ACOXL: variants seen among roughly 807,000 people sequenced by gnomAD.
ACOXL encodes acyl-coenzyme A oxidase-like protein.
In ACOXL, 70 loss-of-function variants were observed where a neutral mutation model predicts 71.9. The ratio of observed to expected loss-of-function variants is 0.97; its 90% CI spans 0.80 to 1.19. The LOEUF (loss-of-function observed/expected upper bound fraction) is 1.19. Ranked by LOEUF, ACOXL falls within the 50% of genes most tolerant of loss-of-function variation. The pLI is 0.00. For synonymous variants in ACOXL, 253 were observed against 281.6 expected (o/e 0.90, Z 1.02); for missense variants, 703 against 736.3 (o/e 0.95, Z 0.52).
At chr2:110,909,866 C>T (rs1480062087) in intron 11 of ACOXL, among the ~76,000 whole-genome samples, 1 of 151,642 alleles carries the variant, frequency 6.6e-6, no homozygotes, top group Non-Finnish European at 1.5e-5. Flanking sequence ...TGCAAGGACA[C>T]TGAACCCTGC....
At chr2:110,841,795 A>T (rs1466611961) in intron 10 of ACOXL, among the ~76,000 whole-genome samples, 1 of 152,112 alleles carries the variant, frequency 6.6e-6, no homozygotes, top group Non-Finnish European at 1.5e-5. Flanking sequence ...GCCACCTTCC[A>T]TGCCAGGCCT....
At chr2:110,778,087 CTG>C (rs777628887) in intron 2 of ACOXL, among the ~76,000 whole-genome samples, 1 of 152,244 alleles carries the variant, frequency 6.6e-6, no homozygotes, top group Non-Finnish European at 1.5e-5. Context: ...CCAGTTGGCG[CTG>C]TGACTTCTGG....
At position 111,010,603 on chromosome 2, in the gene ACOXL, A is replaced by C. The variant is rs140458227; in HGVS notation, c.1281+14599A>C. On this transcript the variant is annotated intron_variant, in intron 14 of 17. Transcript: ENST00000439055. The stretch of plus-strand genomic sequence containing the variant: ...CACATAAATTCAAGATTCTAGCAGG[A>C]GAGGATGAAAAACAAACAAATATAA... 2.4e-4 allele frequency among the ~76,000 whole-genome samples: 37 copies of C among 152,262 alleles called. No homozygotes were observed. The East Asian group carries it at 6.9e-3, about 29-fold the overall frequency.
chr2:110,809,934 C>G (rs1477104241), intron 9 of ACOXL, among the ~76,000 whole-genome samples: 2 of 152,170 alleles, frequency 1.3e-5, no homozygotes, highest in Non-Finnish European at 2.9e-5. Context: ...TGGGATTGCC[C>G]CTTCACCCAA....
At chr2:111,033,337 C>A (rs919907988) in intron 15 of ACOXL, among the ~76,000 whole-genome samples, 46 of 152,254 alleles carry the variant, frequency 3.0e-4, no homozygotes, top group Admixed American at 2.8e-3. Context: ...TAATTGAACT[C>A]AAAAATGAGT....
intron 9 of ACOXL, among the ~76,000 whole-genome samples, chr2:110,823,012 G>A (rs972868828): frequency 6.6e-6 from 1 of 152,120 alleles, no homozygotes; most frequent in African/African-American, 2.4e-5. Context: ...CAGCACTTTG[G>A]GAGGCCGAAG....
At chr2:110,921,031 T>A (rs2060046929) in intron 11 of ACOXL, among the ~76,000 whole-genome samples, 1 of 152,162 alleles carries the variant, frequency 6.6e-6, no homozygotes, top group Non-Finnish European at 1.5e-5. Context: ...CTTTTCAGAT[T>A]ACCTAATTTT....
At chr2:110,995,790 A>G (rs1228970999) in intron 13 of ACOXL, 103 bp from the exon 14 acceptor site, 5 of 793,232 alleles carry the variant, frequency 6.3e-6, no homozygotes, top group African/African-American at 3.5e-5. Context: ...CTATTTTTCT[A>G]CAGAAAAAAA....
At chr2:110,997,451 T>A (rs967695990) in intron 14 of ACOXL, among the ~76,000 whole-genome samples, 3 of 151,864 alleles carry the variant, frequency 2.0e-5, no homozygotes, top group African/African-American at 7.3e-5. Flanking sequence ...ACAGAAAAAA[T>A]TAGGCTAGCT....
chr2:110,915,362 G>A (rs1287380793), intron 11 of ACOXL, among the ~76,000 whole-genome samples: 5 of 134,092 alleles, frequency 3.7e-5, no homozygotes, highest in African/African-American at 9.2e-5. Flanking sequence ...GTGTGTGTGT[G>A]TGTGTGTGTG....
intron 10 of ACOXL, among the ~76,000 whole-genome samples, chr2:110,845,047 C>T (rs1489247463): frequency 5.3e-5 from 8 of 152,230 alleles, no homozygotes; most frequent in African/African-American, 1.7e-4. Context: ...AACATAAAAT[C>T]AGCCATTTGT....
chr2:111,096,832 C>T (rs768633061), intron 17 of ACOXL, among the ~76,000 whole-genome samples: 1 of 152,146 alleles, frequency 6.6e-6, no homozygotes, highest in Non-Finnish European at 1.5e-5. Flanking sequence ...TGACACCTAC[C>T]TTAAACCAAA....
intron 9 of ACOXL, among the ~76,000 whole-genome samples, chr2:110,806,697 CAG>C (rs1284563402): frequency 1.3e-5 from 2 of 152,220 alleles, no homozygotes; most frequent in Non-Finnish European, 2.9e-5. Flanking sequence ...CATCCTGACT[CAG>C]GGGCCCTCTG....
chr2:110,798,432 A>T (rs555440581), intron 5 of ACOXL, among the ~76,000 whole-genome samples, 178 bp from the exon 6 acceptor site: 3 of 151,790 alleles, frequency 2.0e-5, no homozygotes, highest in Admixed American at 2.0e-4. Flanking sequence ...AATTTTTTGT[A>T]TTTTTAGTAG....
intron 14 of ACOXL, among the ~76,000 whole-genome samples, chr2:111,017,116 G>A (rs1039740392): frequency 6.6e-6 from 1 of 152,192 alleles, no homozygotes. Flanking sequence ...TGACAACACC[G>A]CACTACAGTT....
chr2:110,824,285 G>T (rs914472556), intron 9 of ACOXL, among the ~76,000 whole-genome samples: 6 of 152,118 alleles, frequency 3.9e-5, no homozygotes, highest in Non-Finnish European at 1.5e-5. Context: ...ATAATCTAAT[G>T]TGAATCCTTC....
At chr2:110,961,768 C>A (rs767263649) in intron 12 of ACOXL, among the ~76,000 whole-genome samples, 17 of 152,160 alleles carry the variant, frequency 1.1e-4, no homozygotes, top group Non-Finnish European at 1.9e-4. Context: ...GCTCCACAAT[C>A]ATGGCAGAAG....
chr2:110,870,124 G>T (rs1197668017), intron 10 of ACOXL, among the ~76,000 whole-genome samples: 3 of 152,216 alleles, frequency 2.0e-5, no homozygotes, highest in Non-Finnish European at 4.4e-5. Flanking sequence ...GGTTTTCTGG[G>T]TATTTAGGGC....
chr2:111,002,489 G>A (rs2149624736), intron 14 of ACOXL, among the ~76,000 whole-genome samples: 1 of 152,206 alleles, frequency 6.6e-6, no homozygotes, highest in East Asian at 1.9e-4. Context: ...GATTGCATGA[G>A]GTTCTGATGC....
Sources: allele counts gnomAD v4.1 joint callset (sites outside exome capture counted in the v4.1 genomes callset), GRCh38; gene constraint gnomAD v4.1.1; transcripts MANE v1.5; gene names NCBI Gene and HGNC (gene_info 2026-07-23, HGNC 2026-07-21).